Variants in NELL2 observed in about 807,000 individuals in gnomAD.
NELL2 encodes the protein protein kinase C-binding protein NELL2.
NELL2 carries 41 observed loss-of-function variants against 109.6 expected under a neutral mutation model. The observed-to-expected ratio is 0.37, with a 90% confidence interval of 0.29 to 0.49. The LOEUF is 0.49. Among genes scored for constraint, NELL2 ranks in the 20% least tolerant of loss-of-function variants. NELL2 has a pLI of 0.98. For synonymous variants in NELL2, 355 were observed against 344.7 expected (o/e 1.03, Z -0.33); for missense variants, 900 against 1,008.3 (o/e 0.89, Z 1.45).
chr12:44,840,738 C>A (rs1217713563), intron 2 of NELL2, among the ~76,000 whole-genome samples: 1 of 152,050 alleles, frequency 6.6e-6, no homozygotes, highest in African/African-American at 2.4e-5. Context: ...AAATTTCAAC[C>A]ATTTTTGGCT....
intron 1 of NELL2, among the ~76,000 whole-genome samples, chr12:44,885,893 A>T (rs1167943623): frequency 6.6e-6 from 1 of 151,964 alleles, no homozygotes; most frequent in Admixed American, 6.5e-5. Flanking sequence ...CTATAAAGCT[A>T]TAGAAATCAA....
chr12:44,683,950 G>A (rs1203850994), intron 12 of NELL2, among the ~76,000 whole-genome samples: 1 of 152,140 alleles, frequency 6.6e-6, no homozygotes, highest in Non-Finnish European at 1.5e-5. Context: ...GAGTTAGGGA[G>A]GATTCCCTCT....
chr12:44,549,412 T>C (rs1942937424), intron 15 of NELL2, among the ~76,000 whole-genome samples: 1 of 152,314 alleles, frequency 6.6e-6, no homozygotes, highest in South Asian at 2.1e-4. Flanking sequence ...TAGAAGGAGT[T>C]TGAGACTCTA....
chr12:44,848,030 C>CA (rs567012744), intron 2 of NELL2, among the ~76,000 whole-genome samples: 15,345 of 69,044 alleles, frequency 0.22, 1,269 homozygotes, highest in East Asian at 0.33. Flanking sequence ...AACTCTGTCT[C>CA]AAAAAAAAAA....
chr12:44,886,610 G>C (rs1361297267), intron 1 of NELL2, among the ~76,000 whole-genome samples: 1 of 151,882 alleles, frequency 6.6e-6, no homozygotes, highest in Admixed American at 6.5e-5. Flanking sequence ...GATCAAATAA[G>C]TGTATTGGAA....
At chr12:44,659,293 C>G (rs1328984816) in intron 13 of NELL2, among the ~76,000 whole-genome samples, 1 of 152,166 alleles carries the variant, frequency 6.6e-6, no homozygotes, top group Non-Finnish European at 1.5e-5. Context: ...TGGGCAAAGA[C>G]TTCATGACTA....
intron 1 of NELL2, among the ~76,000 whole-genome samples, chr12:44,892,797 CAAAAAAAAAA>C (rs57230571): frequency 8.3e-4 from 48 of 57,768 alleles, no homozygotes; most frequent in South Asian, 2.6e-3. Context: ...GACTCTGTCT[CAAAAAAAAAA>C]AAAAAAAAAA....
chr12:44,607,282 C>T lies in NELL2; in HGVS notation c.1568-18G>A, dbSNP rs755219134. The T allele has an allele frequency of 1.9e-6, 3 of 1,602,968 alleles. No individual in the cohort carries two copies. Among genetic ancestry groups the T allele is most frequent in the South Asian group, 2.2e-5 (2 of 90,092 alleles). ...GCAAAATGCTAAAATAATTCAGATACATGATTTTAGCACTTTAGAAGTAAG... is the reference window on the plus strand; with the variant it reads ...GCAAAATGCTAAAATAATTCAGATATATGATTTTAGCACTTTAGAAGTAAG... On this transcript the variant is annotated intron_variant, in intron 14 of 19. Transcript: ENST00000429094.
chr12:44,736,333 T>C (rs527627265), intron 9 of NELL2, among the ~76,000 whole-genome samples: 30 of 152,096 alleles, frequency 2.0e-4, no homozygotes, highest in Non-Finnish European at 2.5e-4. Context: ...AAAAAAAGCA[T>C]TGGGTAACTC....
At chr12:44,811,850 T>A (rs1943189909) in intron 3 of NELL2, among the ~76,000 whole-genome samples, 1 of 152,122 alleles carries the variant, frequency 6.6e-6, no homozygotes, top group African/African-American at 2.4e-5. Context: ...GTAGTCTAAC[T>A]CACAGAGTCT....
intron 12 of NELL2, among the ~76,000 whole-genome samples, chr12:44,690,264 T>C (rs1948858672): frequency 6.6e-6 from 1 of 152,134 alleles, no homozygotes; most frequent in Non-Finnish European, 1.5e-5. Flanking sequence ...GCTGAGAACG[T>C]AAACACTAAA....
intron 12 of NELL2, among the ~76,000 whole-genome samples, chr12:44,679,828 A>T (rs1035184950): frequency 2.0e-5 from 3 of 152,120 alleles, no homozygotes; most frequent in African/African-American, 7.2e-5. Flanking sequence ...CAAAGCCCAG[A>T]TGAAGTCTCA....
At chr12:44,744,527 A>G (rs543802317) in intron 9 of NELL2, among the ~76,000 whole-genome samples, 2 of 152,242 alleles carry the variant, frequency 1.3e-5, no homozygotes, top group South Asian at 2.1e-4. Context: ...TTTTTTGAAA[A>G]GATCAACAAA....
intron 13 of NELL2, among the ~76,000 whole-genome samples, chr12:44,662,013 C>T (rs719716): frequency 0.048 from 7,245 of 151,772 alleles, 608 homozygotes; most frequent in African/African-American, 0.17. Flanking sequence ...GAACACGAAA[C>T]GATGTAAAGA....
rs1282246348 is a variant in NELL2 at position 44,779,825 on chromosome 12, C to T, written c.509+24G>A. The T allele has an allele frequency of 1.9e-6, 3 of 1,613,432 alleles. No individual in the cohort carries two copies. The African/African-American group carries it at 4.0e-5, about 22-fold the overall frequency. The stretch of plus-strand genomic sequence containing the variant: ...GTCATTTCTTAGAATCTTCCATTTC[C>T]TAAAATGAGGACACTACACTTACTT... On this transcript the variant is annotated intron_variant, in intron 4 of 19. Transcript: ENST00000429094.
intron 13 of NELL2, among the ~76,000 whole-genome samples, chr12:44,652,967 C>T (rs1263422667): frequency 6.6e-6 from 1 of 152,162 alleles, no homozygotes; most frequent in Non-Finnish European, 1.5e-5. Flanking sequence ...TCTTAAGTTT[C>T]TTCTAAGGAC....
At chr12:44,741,672 G>T (rs191995897) in intron 9 of NELL2, among the ~76,000 whole-genome samples, 8 of 152,326 alleles carry the variant, frequency 5.3e-5, no homozygotes, top group Middle Eastern at 3.4e-3. Flanking sequence ...CATCTGGCTC[G>T]GAGGGTCCTA....
chr12:44,664,673 T>C (rs1380135066), intron 13 of NELL2, among the ~76,000 whole-genome samples: 1 of 152,072 alleles, frequency 6.6e-6, no homozygotes, highest in Non-Finnish European at 1.5e-5. Flanking sequence ...AAGAATAACA[T>C]TTTTGGGTGC....
In NELL2 at chr12:44,901,596, C is replaced by A. The variant is rs186307852; in HGVS notation, c.38+12203G>T. On this transcript the variant is annotated intron_variant, in intron 1 of 20. Coordinates refer to the NELL2 transcript ENST00000333837. The stretch of plus-strand genomic sequence containing the variant: ...CCAAAATCTGGTGGAGACACACACA[C>A]AAAAAAGAAAATTTCAGGTCAACAT... Among the ~76,000 whole-genome samples the A allele has an allele frequency of 4.9e-3, 744 of 152,122 alleles. 6 individuals are homozygous for A. Among genetic ancestry groups the A allele is most frequent in the African/African-American group, 0.017 (700 of 41,522 alleles).
Sources: allele counts gnomAD v4.1 joint callset (sites outside exome capture counted in the v4.1 genomes callset), GRCh38; gene constraint gnomAD v4.1.1; transcripts MANE v1.5; gene names NCBI Gene and HGNC (gene_info 2026-07-23, HGNC 2026-07-21).